The following EXOC6 variants were observed in gnomAD, a reference collection of about 807,000 sequenced individuals.
The protein encoded by EXOC6 is exocyst complex component 6.
A neutral mutation model predicts 112.5 loss-of-function variants in EXOC6; 60 were observed. That is an observed-to-expected ratio of 0.53 (90% CI 0.43 to 0.66). The LOEUF (loss-of-function observed/expected upper bound fraction) is 0.66. Ranked by LOEUF, EXOC6 falls within the 30% of genes least tolerant of loss-of-function variation. EXOC6 has a pLI of 0.00. For missense variants in EXOC6, 855 were observed against 957.1 expected, an observed-to-expected ratio of 0.89 and a Z score of 1.41; for synonymous variants, 295 against 308.0, an observed-to-expected ratio of 0.96 and a Z score of 0.44.
chr10:92,999,150 G>T, intron 19 of EXOC6: 1 of 371,896 alleles, frequency 2.7e-6, no homozygotes, highest in South Asian at 2.0e-5. Context: ...GGGATTATAG[G>T]CATGAGCTAC....
intron 14 of EXOC6, 105 bp from the exon 15 acceptor site, chr10:92,952,168 G>GT: frequency 1.5e-6 from 1 of 653,216 alleles, no homozygotes; most frequent in Non-Finnish European, 2.7e-6. Context: ...TTTGATGCAG[G>GT]TATTTGCTAT....
intron 1 of EXOC6, among the ~76,000 whole-genome samples, chr10:92,862,517 C>A (rs1450773122): frequency 3.3e-5 from 5 of 152,110 alleles, no homozygotes; most frequent in African/African-American, 4.8e-5. Context: ...GATGCAGTTA[C>A]AAGGCACCAT....
rs770510321 is a variant in EXOC6 at position 92,893,435 on chromosome 10, A to C, written c.188A>C (p.Glu63Ala). The change falls in exon 2 of 22, where the codon GAA (glutamate) becomes GCA (alanine). Residue 63 changes from glutamate (E) to alanine (A), a missense_variant. Physicochemically the swap from Glu to Ala is moderately radical, Grantham distance 107. This residue lies in a region of EXOC6 where 405 missense variants were observed against 393.6 expected (regional missense o/e 1.03). Transcript: ENST00000260762. ...ACIRNHDKEI[E>A]KMCNFHHQGF... ...ATCCGTAATCATGACAAGGAAATTGAAAAGATGTGTAATTTTCATCATCAG... is the reference window on the plus strand; with the variant it reads ...ATCCGTAATCATGACAAGGAAATTGCAAAGATGTGTAATTTTCATCATCAG... 2 of 1,613,250 alleles carry C rather than the reference A, an allele frequency of 1.2e-6. No homozygotes were observed. The highest frequency in any genetic ancestry group is 1.7e-6 in the Non-Finnish European group (2 of 1,179,464).
At chr10:92,894,866 T>C (rs1170258425) in intron 3 of EXOC6, 25 bp downstream of exon 3, 4 of 1,612,172 alleles carry the variant, frequency 2.5e-6, no homozygotes, top group Non-Finnish European at 3.4e-6. Flanking sequence ...CTTTTCTGGG[T>C]ATTCAGTATG....
chr10:93,051,399 G>A (rs1348682919), intron 20 of EXOC6, among the ~76,000 whole-genome samples: 1 of 152,206 alleles, frequency 6.6e-6, no homozygotes, highest in Non-Finnish European at 1.5e-5. Context: ...CATTGGAAGA[G>A]GGCAGGCTTG....
intron 8 of EXOC6, among the ~76,000 whole-genome samples, chr10:92,920,455 G>A (rs558455185): frequency 2.8e-4 from 43 of 152,088 alleles, no homozygotes; most frequent in African/African-American, 9.4e-4. Context: ...TATACAATTC[G>A]GTGGTTTTAG....
At position 92,858,027 on chromosome 10, in the gene EXOC6, C is replaced by CGG. The variant is rs1847703535; in HGVS notation, c.101+9393_101+9394insGG. 3.6e-5 allele frequency among the ~76,000 whole-genome samples: 5 copies of CGG among 137,914 alleles called. 1 individual carries two copies. The highest frequency in any genetic ancestry group is 6.2e-5 in the Non-Finnish European group (4 of 64,954). The allele number at this position is 137,914 out of a possible 152,430, so 90.5% of individuals were successfully genotyped here. ...AAGATTTTTAGTTGACGGGTTCCCC[C>CGG]CCTCCGCCGGCCAGCAGTTTGAATA... On this transcript the variant is annotated intron_variant, in intron 1 of 21. Transcript: ENST00000260762.
chr10:93,004,657 T>A (rs1158285452), intron 19 of EXOC6, among the ~76,000 whole-genome samples: 1 of 152,230 alleles, frequency 6.6e-6, no homozygotes, highest in Non-Finnish European at 1.5e-5. Flanking sequence ...TCTACTTTTT[T>A]AACCTATACT....
chr10:93,018,208 G>C (rs905228099), intron 20 of EXOC6, among the ~76,000 whole-genome samples: 19 of 151,898 alleles, frequency 1.3e-4, no homozygotes, highest in African/African-American at 4.6e-4. Context: ...TAAAAAAAAG[G>C]GAGGGGGCAG....
intron 17 of EXOC6, among the ~76,000 whole-genome samples, chr10:92,971,574 C>T (rs574906792): frequency 6.6e-6 from 1 of 151,522 alleles, no homozygotes; most frequent in Non-Finnish European, 1.5e-5. Flanking sequence ...TGGGGTCTCA[C>T]CATGTTGGCT....
At chr10:93,022,925 A>G (rs2134263848) in intron 20 of EXOC6, among the ~76,000 whole-genome samples, 1 of 151,824 alleles carries the variant, frequency 6.6e-6, no homozygotes, top group Admixed American at 6.6e-5. Flanking sequence ...GTAGTATACC[A>G]CCAAATATAA....
chr10:92,893,505 T>C lies in EXOC6; in HGVS notation c.258T>C (p.Asp86=), dbSNP rs886836195. ...CAGAACTCCTTAAAGTAAGGACTGA[T>C]GCAGAAAAACTGAAGGTAAGAAATA... ...AITELLKVRT[D]AEKLKVQVTD... The change falls in exon 2 of 22, where the codon GAT becomes GAC. Residue 86 remains aspartate (D), a synonymous_variant. Coordinates refer to ENST00000260762, the MANE Select transcript of EXOC6 (RefSeq NM_019053.6). The C allele has an allele frequency of 6.3e-7, 1 of 1,597,862 alleles. No homozygotes were observed. Among genetic ancestry groups the C allele is most frequent in the Non-Finnish European group, 8.5e-7 (1 of 1,173,978 alleles).
At chr10:93,016,368 C>T (rs9419761) in intron 20 of EXOC6, among the ~76,000 whole-genome samples, 6,466 of 151,912 alleles carry the variant, frequency 0.043, 306 homozygotes, top group African/African-American at 0.12. Context: ...CTCGAACTCC[C>T]GGCATCAAGT....
chr10:92,895,132 A>C, intron 4 of EXOC6, 112 bp downstream of exon 4: 1 of 694,356 alleles, frequency 1.4e-6, no homozygotes, highest in East Asian at 2.5e-5. Flanking sequence ...TGATTGCCTC[A>C]CAACAAAGAC....
intron 20 of EXOC6, among the ~76,000 whole-genome samples, chr10:93,039,007 GTA>G (rs150551940): frequency 6.6e-6 from 1 of 150,870 alleles, no homozygotes; most frequent in African/African-American, 2.4e-5. Flanking sequence ...ACCTATATAT[GTA>G]TATATATATA....
intron 19 of EXOC6, among the ~76,000 whole-genome samples, chr10:93,004,919 G>C (rs1843908206): frequency 6.6e-6 from 1 of 152,148 alleles, no homozygotes; most frequent in South Asian, 2.1e-4. Context: ...AATGTTTCAA[G>C]ATAACGTCCT....
intron 18 of EXOC6, 61 bp from the exon 19 acceptor site, chr10:92,997,413 T>A: frequency 6.8e-7 from 1 of 1,480,454 alleles, no homozygotes; most frequent in South Asian, 1.3e-5. Flanking sequence ...TTTCTGATTC[T>A]TTATGATGTA....
chr10:92,867,347 A>G (rs1848223139), intron 1 of EXOC6, among the ~76,000 whole-genome samples: 1 of 152,198 alleles, frequency 6.6e-6, no homozygotes, highest in African/African-American at 2.4e-5. Context: ...AGGGGTGATA[A>G]CTTACTGGCC....
At chr10:93,044,253 T>G (rs776684674) in intron 20 of EXOC6, among the ~76,000 whole-genome samples, 3 of 152,206 alleles carry the variant, frequency 2.0e-5, no homozygotes, top group Non-Finnish European at 4.4e-5. Flanking sequence ...TAATTACATA[T>G]ACAATCAGGT....
Sources: gnomAD v4.1 joint callset for allele counts (sites outside exome capture counted in the v4.1 genomes callset) on GRCh38, gnomAD v4.1.1 for gene constraint, gnomAD v4.1.1 regional missense constraint, MANE v1.5 for transcripts, NCBI Gene and HGNC (gene_info 2026-07-23, HGNC 2026-07-21) for gene names.